Variants in FRMD4A observed in about 807,000 individuals in gnomAD.
The protein encoded by FRMD4A is FERM domain-containing protein 4A.
In FRMD4A, 29 loss-of-function variants were observed where a neutral mutation model predicts 129.1. That is an observed-to-expected ratio of 0.22 (90% CI 0.17 to 0.31). FRMD4A has a LOEUF of 0.31. FRMD4A is among the 10% of genes least tolerant of loss of function. The pLI is 1.00. For synonymous variants in FRMD4A, 634 were observed against 571.6 expected (o/e 1.11, Z -1.56); for missense variants, 1,272 against 1,375.8 (o/e 0.92, Z 1.19).
chr10:13,958,409 G>A (rs2095423984), intron 2 of FRMD4A, among the ~76,000 whole-genome samples: 1 of 148,132 alleles, frequency 6.8e-6, no homozygotes. Flanking sequence ...TCAGCCTCCT[G>A]AGTAGCTGGG....
intron 2 of FRMD4A, among the ~76,000 whole-genome samples, chr10:14,166,726 C>T (rs1841199233): frequency 6.6e-6 from 1 of 152,188 alleles, no homozygotes. Flanking sequence ...AAATGGCCTG[C>T]CCATTACTTG....
At chr10:14,117,698 G>A (rs1467373534) in intron 2 of FRMD4A, among the ~76,000 whole-genome samples, 1 of 152,190 alleles carries the variant, frequency 6.6e-6, no homozygotes, top group African/African-American at 2.4e-5. Context: ...TGGAAGTAGA[G>A]TTTGAAGAGC....
At chr10:14,082,620 A>T (rs1377858546) in intron 2 of FRMD4A, among the ~76,000 whole-genome samples, 4 of 152,166 alleles carry the variant, frequency 2.6e-5, no homozygotes, top group African/African-American at 7.2e-5. Context: ...ACTGAAGTTG[A>T]GTGACGAAAA....
intron 2 of FRMD4A, among the ~76,000 whole-genome samples, chr10:14,175,651 A>C (rs1040914204): frequency 6.6e-6 from 1 of 151,324 alleles, no homozygotes; most frequent in Non-Finnish European, 1.5e-5. Flanking sequence ...CAGCCTCCTG[A>C]ATATCTGTGA....
chr10:14,111,234 C>T (rs1488493678), intron 2 of FRMD4A, among the ~76,000 whole-genome samples: 1 of 152,202 alleles, frequency 6.6e-6, no homozygotes, highest in African/African-American at 2.4e-5. Context: ...TGGAATCCTA[C>T]ATTATTTCCT....
intron 2 of FRMD4A, among the ~76,000 whole-genome samples, chr10:14,170,080 T>C (rs1167776002): frequency 1.3e-5 from 2 of 152,208 alleles, no homozygotes; most frequent in Non-Finnish European, 2.9e-5. Flanking sequence ...TAAGTGACTT[T>C]AAGAGTTTCA....
At chr10:13,689,340 G>A (rs140473048) in intron 15 of FRMD4A, among the ~76,000 whole-genome samples, 2 of 151,772 alleles carry the variant, frequency 1.3e-5, no homozygotes, top group East Asian at 3.9e-4. Flanking sequence ...CCATGATTTG[G>A]GTTTAGATGA....
intron 23 of FRMD4A, 49 bp downstream of exon 23, chr10:13,654,367 T>C: frequency 1.7e-6 from 2 of 1,164,872 alleles, no homozygotes; most frequent in Non-Finnish European, 2.6e-6. Flanking sequence ...TGAACGTCTA[T>C]GACACTCTTT....
intron 2 of FRMD4A, among the ~76,000 whole-genome samples, chr10:14,086,777 C>T (rs1204669739): frequency 6.6e-6 from 1 of 152,152 alleles, no homozygotes; most frequent in Non-Finnish European, 1.5e-5. Context: ...CATAAACAGA[C>T]ACCACTGAGC....
chr10:13,885,360 G>A (rs1315604535), intron 2 of FRMD4A, among the ~76,000 whole-genome samples: 1 of 152,202 alleles, frequency 6.6e-6, no homozygotes, highest in African/African-American at 2.4e-5. Flanking sequence ...CACATAAGCA[G>A]TGGCAGAGCT....
chr10:14,137,752 A>C (rs1023093348), intron 2 of FRMD4A, among the ~76,000 whole-genome samples: 1 of 152,134 alleles, frequency 6.6e-6, no homozygotes, highest in Non-Finnish European at 1.5e-5. Context: ...CCACCTGTTA[A>C]TATGCAATGG....
intron 2 of FRMD4A, among the ~76,000 whole-genome samples, chr10:13,921,270 C>CTCTTTCTCTCTTTCTT (rs71388133): frequency 6.1e-5 from 9 of 148,080 alleles, no homozygotes; most frequent in Non-Finnish European, 1.2e-4. Flanking sequence ...CTCTCTTTCT[C>CTCTTTCTCTCTTTCTT]TCTTTCTTTC....
intron 2 of FRMD4A, among the ~76,000 whole-genome samples, chr10:14,260,215 C>T (rs953903673): frequency 2.0e-5 from 3 of 152,132 alleles, no homozygotes; most frequent in African/African-American, 7.2e-5. Flanking sequence ...AGCTTACAAC[C>T]GCTGCATTCT....
intron 2 of FRMD4A, among the ~76,000 whole-genome samples, chr10:14,102,128 G>A (rs1242119376): frequency 1.3e-5 from 2 of 152,210 alleles, no homozygotes; most frequent in East Asian, 3.9e-4. Context: ...AAGTGAGGTG[G>A]TCCATAGATT....
intron 2 of FRMD4A, among the ~76,000 whole-genome samples, chr10:14,181,690 C>A (rs76553241): frequency 6.6e-6 from 1 of 152,016 alleles, no homozygotes; most frequent in Non-Finnish European, 1.5e-5. Context: ...GAAATGATTA[C>A]CATGAATTTT....
chr10:13,741,959 C>A (rs987565485), intron 9 of FRMD4A, among the ~76,000 whole-genome samples: 1 of 152,174 alleles, frequency 6.6e-6, no homozygotes, highest in Non-Finnish European at 1.5e-5. Flanking sequence ...CAGTTTAAAG[C>A]AATTCTTGTG....
intron 2 of FRMD4A, among the ~76,000 whole-genome samples, chr10:14,322,278 T>A (rs939218997): frequency 7.9e-5 from 12 of 151,950 alleles, no homozygotes. Context: ...ACCAGGTAGA[T>A]GACAGAAAGC....
Position 13,994,512 on chromosome 10 carries a change from C to T in FRMD4A, c.46-135600G>A, listed in dbSNP as rs536004782. ...TAAGTTTTGTACTTTCGTAGAGACA[C>T]GGTTTCACCATGTTGGTCAGGCTGG... On this transcript the variant is annotated intron_variant, in intron 2 of 24. Transcript: ENST00000357447. 5.3e-5 allele frequency among the ~76,000 whole-genome samples: 8 copies of T among 152,094 alleles called. No homozygotes were observed. The South Asian group carries it at 1.5e-3, about 28-fold the overall frequency.
rs777985066 is a variant in FRMD4A at position 13,660,441 on chromosome 10, G to C, written c.1773C>G (p.Leu591=). 2.5e-6 allele frequency: 4 copies of C among 1,613,622 alleles called. 1 individual carries two copies. The highest frequency in any genetic ancestry group is 2.2e-5 in the South Asian group (2 of 91,070). ...RPPPPQSLEG[L]RQMHYHRNDY... ...CGTTGCGGTGATAGTGCATCTGTCG[G>C]AGTCCCTCCAGGGACTGGGGAGGAG... Residue 591 remains leucine, a synonymous_variant, in exon 20 of 25, where the codon CTC becomes CTG. Coordinates refer to ENST00000357447, the MANE Select transcript of FRMD4A (RefSeq NM_018027.5).
Sources: gnomAD v4.1 joint callset for allele counts (sites outside exome capture counted in the v4.1 genomes callset) on GRCh38, gnomAD v4.1.1 for gene constraint, MANE v1.5 for transcripts, NCBI Gene and HGNC (gene_info 2026-07-23, HGNC 2026-07-21) for gene names.